RND1: variants seen among roughly 807,000 people sequenced by gnomAD.
RND1 encodes rho-related GTP-binding protein Rho6.
In RND1, 9 loss-of-function variants were observed where a neutral mutation model predicts 27.1. The ratio of observed to expected loss-of-function variants is 0.33; its 90% CI spans 0.20 to 0.58. The LOEUF (loss-of-function observed/expected upper bound fraction) is 0.58, where lower values mean the gene tolerates loss of function less well. Among genes scored for constraint, RND1 ranks in the 20% least tolerant of loss-of-function variants. The pLI, the probability that RND1 is intolerant of heterozygous loss-of-function variation, is 0.86. For missense variants in RND1, 253 were observed against 292.2 expected, an observed-to-expected ratio of 0.87 and a Z score of 0.98; for synonymous variants, 108 against 115.7, an observed-to-expected ratio of 0.93 and a Z score of 0.43.
intron 2 of RND1, among the ~76,000 whole-genome samples, chr12:48,864,416 T>TGTGTGTGTGGGCGCGC (rs141121524): frequency 7.4e-6 from 1 of 135,460 alleles, no homozygotes; most frequent in African/African-American, 2.7e-5. Flanking sequence ...TGTGTGTGTG[T>TGTGTGTGTGGGCGCGC]GCGCGCGCGC....
intron 4 of RND1, among the ~76,000 whole-genome samples, chr12:48,860,558 T>C (rs897171542): frequency 3.3e-5 from 2 of 60,500 alleles, no homozygotes; most frequent in African/African-American, 1.2e-4. Context: ...CACCCAGCTA[T>C]TTTTTTTTTT....
intron 3 of RND1, 110 bp from the exon 4 acceptor site, chr12:48,861,241 T>C: frequency 9.5e-7 from 1 of 1,054,240 alleles, no homozygotes; most frequent in Non-Finnish European, 1.4e-6. Flanking sequence ...ATCACCTCAC[T>C]CATCACCAGC....
chr12:48,858,389 CTTTT>C (rs566310279), intron 4 of RND1, 148 bp from the exon 5 acceptor site: 2,525 of 536,104 alleles, frequency 4.7e-3, no homozygotes, highest in South Asian at 7.2e-3. Context: ...ATTATCTTTT[CTTTT>C]TTTTTTTTTT....
At chr12:48,864,416 T>TGTGTGTGTGTGTGCGCGCGCGC (rs141121524) in intron 2 of RND1, among the ~76,000 whole-genome samples, 6 of 135,558 alleles carry the variant, frequency 4.4e-5, no homozygotes, top group African/African-American at 1.6e-4. Context: ...TGTGTGTGTG[T>TGTGTGTGTGTGTGCGCGCGCGC]GCGCGCGCGC....
At chr12:48,858,370 G>A (rs1938871404) in intron 4 of RND1, 129 bp from the exon 5 acceptor site, 1 of 734,532 alleles carries the variant, frequency 1.4e-6, no homozygotes, top group Admixed American at 3.4e-5. Flanking sequence ...ACCCTCTGCA[G>A]ATTATTCGAT....
intron 4 of RND1, chr12:48,859,003 G>A (rs1365134043): frequency 6.9e-6 from 1 of 144,764 alleles, no homozygotes; most frequent in Non-Finnish European, 1.5e-5. Context: ...CTGTTGCCCA[G>A]GCTGGAGTGC....
At chr12:48,859,611 G>A (rs1938891885) in intron 4 of RND1, among the ~76,000 whole-genome samples, 1 of 152,032 alleles carries the variant, frequency 6.6e-6, no homozygotes, top group Non-Finnish European at 1.5e-5. Flanking sequence ...TCCAGGCCAG[G>A]TGTGGTGACT....
intron 2 of RND1, among the ~76,000 whole-genome samples, chr12:48,863,854 T>G (rs1382813222): frequency 2.0e-5 from 3 of 151,536 alleles, no homozygotes; most frequent in Admixed American, 6.6e-5. Context: ...TGGGGAGGGG[T>G]GGATTTTATT....
chr12:48,862,020 C>T lies in RND1; in HGVS notation c.307G>A (p.Ala103Thr), dbSNP rs769890484. 21 of 1,590,870 alleles carry T rather than the reference C, an allele frequency of 1.3e-5. No homozygotes were observed. The highest frequency in any genetic ancestry group is 2.7e-5 in the African/African-American group (2 of 74,528). The change falls in exon 3 of 5, where the codon GCA (alanine) becomes ACA (threonine). Residue 103 changes from alanine (A) to threonine (T), a missense_variant. Transcript: ENST00000309739. ...DISRPETVDS[A>T]LKKWRTEILD... The stretch of plus-strand genomic sequence containing the variant: ...TGATCTAGTCTTACCTTCTTGAGTG[C>T]GCTGTCCACTGTCTCTGGACGGCTG...
chr12:48,863,378 C>A (rs1938943235), intron 2 of RND1, among the ~76,000 whole-genome samples: 1 of 151,472 alleles, frequency 6.6e-6, no homozygotes, highest in African/African-American at 2.4e-5. Context: ...TTTCCATGAT[C>A]TGGTTTGGGA....
At position 48,865,840 on chromosome 12, in the gene RND1, A is replaced by G. The variant is rs773703070; in HGVS notation, c.-73T>C. ...GCGCCAGGTGCGTCTCAGCACGCCA[A>G]TCAAGCCAGATTCCCTGCCTCCCTC... On this transcript the variant is annotated 5_prime_UTR_variant, in exon 1 of 5. Transcript: ENST00000309739. The G allele has an allele frequency of 6.6e-6, 10 of 1,517,978 alleles. No homozygotes were observed. Among genetic ancestry groups the G allele is most frequent in the Admixed American group, 6.1e-5 (3 of 49,380 alleles). The allele number at this position is 1,517,978 out of a possible 1,614,324, so 94.0% of individuals were successfully genotyped here.
rs1207127685 is a variant in RND1 at position 48,865,745 on chromosome 12, T to G, written c.23A>C (p.Gln8Pro). The stretch of plus-strand genomic sequence containing the variant: ...GAGCTTACATCTGGCCACGACTGGC[T>G]GGGGGGCCCGTCTCTCCTTCATGGT... MKERRAP[Q>P]PVVARCKLVL... Residue 8 changes from glutamine to proline, a missense_variant, in exon 1 of 5, where the codon CAG (glutamine) becomes CCG (proline). By Grantham distance (76) the Gln-to-Pro change is moderately conservative. Transcript: ENST00000309739. The G allele has an allele frequency of 6.2e-7, 1 of 1,606,412 alleles. No homozygotes were observed. Among genetic ancestry groups the G allele is most frequent in the Non-Finnish European group, 8.5e-7 (1 of 1,174,250 alleles).
At chr12:48,862,629 G>A (rs1938932042) in intron 2 of RND1, among the ~76,000 whole-genome samples, 1 of 152,158 alleles carries the variant, frequency 6.6e-6, no homozygotes, top group African/African-American at 2.4e-5. Flanking sequence ...CAAGGGTTCA[G>A]TGCCCCACTT....
chr12:48,864,416 T>TGTGTGTGCGCGCGCGC (rs141121524), intron 2 of RND1, among the ~76,000 whole-genome samples: 6 of 135,460 alleles, frequency 4.4e-5, no homozygotes, highest in African/African-American at 1.4e-4. Flanking sequence ...TGTGTGTGTG[T>TGTGTGTGCGCGCGCGC]GCGCGCGCGC....
chr12:48,861,500 C>T (rs1373825870), intron 3 of RND1, among the ~76,000 whole-genome samples: 2 of 152,198 alleles, frequency 1.3e-5, no homozygotes, highest in Non-Finnish European at 2.9e-5. Flanking sequence ...CCAGTCTCTT[C>T]TCAAGGGAAG....
Position 48,857,952 on chromosome 12 carries a change from C to A in RND1, c.*44G>T. ...TCCCTCTCCCCGTGCCTCTGCACCC[C>A]AAGGGAGGAAGTAGGGGGTTGTCTC... On this transcript the variant is annotated 3_prime_UTR_variant, in exon 5 of 5. Transcript: ENST00000309739. The A allele has an allele frequency of 1.9e-6, 3 of 1,550,038 alleles. No individual in the cohort carries two copies. The South Asian group carries it at 3.8e-5, about 20-fold the overall frequency.
At chr12:48,859,556 C>T (rs1938891024) in intron 4 of RND1, among the ~76,000 whole-genome samples, 1 of 151,888 alleles carries the variant, frequency 6.6e-6, no homozygotes, top group South Asian at 2.1e-4. Context: ...CCTATGCTCT[C>T]ATGCACATAA....
intron 1 of RND1, among the ~76,000 whole-genome samples, chr12:48,865,078 AC>A (rs1347227019): frequency 6.6e-6 from 1 of 150,602 alleles, no homozygotes; most frequent in East Asian, 2.0e-4. Flanking sequence ...ACCCCCCCAC[AC>A]CACCACACCA....
chr12:48,865,680 A>T lies in RND1; in HGVS notation c.88T>A (p.Leu30Met). 1 of 1,614,136 alleles carries T rather than the reference A, an allele frequency of 6.2e-7. No homozygotes were observed. Among genetic ancestry groups the T allele is most frequent in the Non-Finnish European group, 8.5e-7 (1 of 1,179,986 alleles). The change falls in exon 1 of 5, where the codon TTG becomes ATG. Residue 30 changes from leucine (L) to methionine (M), a missense_variant. Transcript: ENST00000309739. The stretch of plus-strand genomic sequence containing the variant: ...TAGCAATCCTTCGCTAACACTTGCA[A>T]CATCGCGGTCTTCCCACACTGCACG... Reference protein sequence around the residue: ...GDVQCGKTAMLQVLAKDCYPE... With the variant: ...GDVQCGKTAMMQVLAKDCYPE...
Sources: gnomAD v4.1 joint callset for allele counts (sites outside exome capture counted in the v4.1 genomes callset) on GRCh38, gnomAD v4.1.1 for gene constraint, MANE v1.5 for transcripts, NCBI Gene and HGNC (gene_info 2026-07-23, HGNC 2026-07-21) for gene names.